Variants in CHRM3 observed in about 807,000 individuals in gnomAD.
The protein encoded by CHRM3 is cholinergic receptor muscarinic 3.
A neutral mutation model predicts 41.8 loss-of-function variants in CHRM3; 11 were observed. The ratio of observed to expected loss-of-function variants is 0.26; its 90% CI spans 0.17 to 0.44. The LOEUF (loss-of-function observed/expected upper bound fraction) is 0.44, where lower values mean the gene tolerates loss of function less well. CHRM3 is among the 20% of genes least tolerant of loss of function. The probability of loss-of-function intolerance (pLI) is 1.00; values close to 1 mark genes in which losing one functional copy is unlikely to be tolerated. For missense variants in CHRM3, 571 were observed against 745.4 expected (o/e 0.77, Z 2.72); for synonymous variants, 297 against 301.4 (o/e 0.99, Z 0.15).
At chr1:239,544,346 A>G (rs1659083647) in intron 2 of CHRM3, among the ~76,000 whole-genome samples, 1 of 152,136 alleles carries the variant, frequency 6.6e-6, no homozygotes, top group Admixed American at 6.5e-5. Flanking sequence ...GGAAGCCAAT[A>G]CTTAATCTAT....
intron 5 of CHRM3, among the ~76,000 whole-genome samples, chr1:239,734,596 T>C (rs1302082650): frequency 6.6e-6 from 1 of 152,140 alleles, no homozygotes; most frequent in Non-Finnish European, 1.5e-5. Flanking sequence ...GAAGGAAATG[T>C]TATCCTTTTT....
intron 1 of CHRM3, among the ~76,000 whole-genome samples, chr1:239,432,156 C>G (rs1662884274): frequency 6.6e-6 from 1 of 151,836 alleles, no homozygotes. Flanking sequence ...TGGTGACTGT[C>G]AAGGGGATCT....
chr1:239,742,937 T>C (rs1664990122), intron 5 of CHRM3, among the ~76,000 whole-genome samples: 1 of 152,208 alleles, frequency 6.6e-6, no homozygotes, highest in African/African-American at 2.4e-5. Flanking sequence ...CTTCATCTAC[T>C]GAAGATAGGT....
At chr1:239,844,611 G>A (rs1674111848) in intron 6 of CHRM3, among the ~76,000 whole-genome samples, 1 of 152,144 alleles carries the variant, frequency 6.6e-6, no homozygotes, top group Non-Finnish European at 1.5e-5. Flanking sequence ...GGTAAAATGG[G>A]TGGCCGTTGC....
chr1:239,681,691 G>A (rs1269544475), intron 5 of CHRM3, among the ~76,000 whole-genome samples: 2 of 152,128 alleles, frequency 1.3e-5, no homozygotes, highest in Non-Finnish European at 2.9e-5. Context: ...ACCAGGAGTC[G>A]AGACCGGCCT....
In CHRM3 at chr1:239,643,594, G is replaced by T. The variant is rs1309109136; in HGVS notation, c.-250+11308G>T. Reference sequence around the variant, plus strand: ...AGCCAGGTGCGGGATATAATCTCCTGCTGTGCCCTTTTTTAAACCCGTCGG... The same window carrying T: ...AGCCAGGTGCGGGATATAATCTCCTTCTGTGCCCTTTTTTAAACCCGTCGG... On this transcript the variant is annotated intron_variant, in intron 4 of 6. Transcript: ENST00000676153. Among the ~76,000 whole-genome samples the T allele has an allele frequency of 3.9e-5, 6 of 152,324 alleles. No homozygotes were observed. The East Asian group carries it at 1.2e-3, about 29-fold the overall frequency.
chr1:239,623,174 T>C (rs1195854798), intron 3 of CHRM3, among the ~76,000 whole-genome samples: 1 of 152,160 alleles, frequency 6.6e-6, no homozygotes, highest in Admixed American at 6.5e-5. Flanking sequence ...GCAGGTTTGT[T>C]ACATATGTAT....
chr1:239,799,329 A>G (rs974570382), intron 5 of CHRM3, among the ~76,000 whole-genome samples: 25 of 152,158 alleles, frequency 1.6e-4, no homozygotes, highest in African/African-American at 6.0e-4. Context: ...AGTATGGAAA[A>G]TGTTCATGAT....
intron 1 of CHRM3, among the ~76,000 whole-genome samples, chr1:239,473,691 C>T (rs1022496965): frequency 3.9e-5 from 6 of 152,030 alleles, no homozygotes; most frequent in Non-Finnish European, 8.8e-5. Flanking sequence ...GAATCCTGTT[C>T]GCTGTGACAC....
rs1412589790 is a variant in CHRM3 at position 239,908,167 on chromosome 1, C to T, written c.716C>T (p.Ala239Val). Reference sequence around the variant, plus strand: ...ATTACTTTTGGCACAGCCATCGCTGCTTTTTATATGCCTGTCACCATTATG... The same window carrying T: ...ATTACTTTTGGCACAGCCATCGCTGTTTTTTATATGCCTGTCACCATTATG... ...PTITFGTAIAAFYMPVTIMTI... is the reference protein window; with the variant it reads ...PTITFGTAIAVFYMPVTIMTI... Residue 239 changes from alanine to valine, a missense_variant, in exon 7 of 7, where the codon GCT becomes GTT. By Grantham distance (64) the Ala-to-Val change is moderately conservative (BLOSUM62 0). Around this residue, in one of 5 missense-constraint regions of CHRM3, gnomAD observed 153 missense variants for 296.3 expected, o/e 0.52. Coordinates refer to ENST00000676153, the MANE Select transcript of CHRM3 (RefSeq NM_001375978.1). This position sits in a 1 kb window ranked among gnomAD's most constrained non-coding sequence, Gnocchi z 7.2. 1 of 1,614,000 alleles carries T rather than the reference C, an allele frequency of 6.2e-7. No individual in the cohort carries two copies. The highest frequency in any genetic ancestry group is 1.3e-5 in the African/African-American group (1 of 74,902).
chr1:239,756,281 G>A (rs959243893), intron 5 of CHRM3, among the ~76,000 whole-genome samples: 8 of 152,156 alleles, frequency 5.3e-5, no homozygotes, highest in African/African-American at 1.9e-4. Context: ...GTGATGAAGG[G>A]AGCTTCTCCT....
intron 1 of CHRM3, among the ~76,000 whole-genome samples, chr1:239,429,205 T>A (rs1451327237): frequency 3.9e-5 from 6 of 152,210 alleles, no homozygotes; most frequent in African/African-American, 7.2e-5. Context: ...TTCTTTAGCT[T>A]TTTGCATGTC....
chr1:239,850,511 T>C (rs1674615110), intron 6 of CHRM3, among the ~76,000 whole-genome samples: 1 of 152,192 alleles, frequency 6.6e-6, no homozygotes. Flanking sequence ...GTCAACTGTA[T>C]GCTCTTTTCA....
At chr1:239,394,375 C>G (rs1179362648) in intron 1 of CHRM3, among the ~76,000 whole-genome samples, 1 of 152,218 alleles carries the variant, frequency 6.6e-6, no homozygotes, top group African/African-American at 2.4e-5. Flanking sequence ...ACCTCTTTCA[C>G]TGTCTCCTCC....
At chr1:239,818,569 AG>A (rs1434558373) in intron 5 of CHRM3, among the ~76,000 whole-genome samples, 4 of 152,240 alleles carry the variant, frequency 2.6e-5, no homozygotes, top group African/African-American at 7.2e-5. Flanking sequence ...CTTCTCACAC[AG>A]GGCCAGCCTC....
intron 2 of CHRM3, among the ~76,000 whole-genome samples, chr1:239,503,335 A>G (rs1196258499): frequency 6.6e-6 from 1 of 152,120 alleles, no homozygotes; most frequent in East Asian, 1.9e-4. Flanking sequence ...AAAATAAAAT[A>G]CTTAGGAATA....
rs1665523523 is a variant in CHRM3 at position 239,748,136 on chromosome 1, A to T, written c.-147+69848A>T. ...CCTATAGATATCACTGTCTTCCAAA[A>T]TTGTACTGGATTGCCAACGTTTGCA... On this transcript the variant is annotated intron_variant, in intron 5 of 6. Transcript: ENST00000676153. The surrounding 1 kb of genome is among the most constrained non-coding windows in gnomAD (Gnocchi z 4.3). Among the ~76,000 whole-genome samples the T allele has an allele frequency of 6.6e-6, 1 of 152,232 alleles. No homozygotes were observed. Among genetic ancestry groups the T allele is most frequent in the South Asian group, 2.1e-4 (1 of 4,838 alleles).
chr1:239,411,762 A>T (rs930993856), intron 1 of CHRM3, among the ~76,000 whole-genome samples: 2 of 136,854 alleles, frequency 1.5e-5, no homozygotes, highest in Non-Finnish European at 3.1e-5. Flanking sequence ...CTGGGATTGG[A>T]CTCTAATTGT....
At chr1:239,621,891 A>T (rs1313613434) in intron 3 of CHRM3, among the ~76,000 whole-genome samples, 1 of 152,148 alleles carries the variant, frequency 6.6e-6, no homozygotes, top group Admixed American at 6.6e-5. Flanking sequence ...AGAAGATGCC[A>T]TCTAGGACTT....
Sources: allele counts gnomAD v4.1 joint callset (sites outside exome capture counted in the v4.1 genomes callset), GRCh38; gene constraint gnomAD v4.1.1; regional missense constraint gnomAD v4.1.1; non-coding constraint Gnocchi (gnomAD v3.1); transcripts MANE v1.5; gene names NCBI Gene and HGNC (gene_info 2026-07-23, HGNC 2026-07-21).